SORBS2: variants seen among roughly 807,000 people sequenced by gnomAD.
SORBS2 encodes sorbin and SH3 domain containing 2, also known as sorbin and SH3 domain-containing protein 2.
Under a neutral mutation model 97.7 loss-of-function variants are expected in SORBS2, and 46 were observed. That is an observed-to-expected ratio of 0.47 (90% CI 0.37 to 0.60). The LOEUF is 0.60. SORBS2 is among the 20% of genes least tolerant of loss of function. SORBS2 has a pLI of 0.00. For synonymous variants in SORBS2, 476 were observed against 473.4 expected (o/e 1.01, Z -0.07); for missense variants, 1,316 against 1,282.3 (o/e 1.03, Z -0.40).
chr4:185,639,810 G>T lies in SORBS2; in HGVS notation c.396+6858C>A, dbSNP rs556333219. Among the ~76,000 whole-genome samples, 82 of 152,290 alleles carry T rather than the reference G, an allele frequency of 5.4e-4. 3 individuals are homozygous for T. The South Asian group carries it at 0.016, about 30-fold the overall frequency. On this transcript the variant is annotated intron_variant, in intron 4 of 14. Transcript: ENST00000418609. ...CTAGGAGGACTATTAAGTGCTCACT[G>T]CTTCAGAACAATTCAATATCATTTG...
intron 2 of SORBS2, among the ~76,000 whole-genome samples, chr4:185,734,511 C>T (rs989314176): frequency 6.6e-6 from 1 of 152,164 alleles, no homozygotes; most frequent in Non-Finnish European, 1.5e-5. Flanking sequence ...TTCCTTGCCC[C>T]CTATTTCATA....
At chr4:185,631,087 A>G (rs2096898910) in intron 4 of SORBS2, among the ~76,000 whole-genome samples, 1 of 152,236 alleles carries the variant, frequency 6.6e-6, no homozygotes, top group African/African-American at 2.4e-5. Context: ...AATGTAACAC[A>G]TAAGCAGAAC....
At chr4:185,915,503 G>T (rs1023827270) in intron 1 of SORBS2, among the ~76,000 whole-genome samples, 1 of 152,202 alleles carries the variant, frequency 6.6e-6, no homozygotes, top group Non-Finnish European at 1.5e-5. Flanking sequence ...GACCAGGAGA[G>T]TACATACAAA....
At chr4:185,695,079 C>T (rs561372506) in intron 2 of SORBS2, among the ~76,000 whole-genome samples, 57 of 151,908 alleles carry the variant, frequency 3.8e-4, no homozygotes, top group Non-Finnish European at 1.0e-4. Flanking sequence ...GTTCTCAATA[C>T]GTATAAGAGA....
Position 185,595,899 on chromosome 4 carries a change from C to T in SORBS2, c.2797-1964G>A, listed in dbSNP as rs905969487. 5.9e-5 allele frequency among the ~76,000 whole-genome samples: 9 copies of T among 151,988 alleles called. No individual in the cohort carries two copies. The South Asian group carries it at 8.3e-4, about 14-fold the overall frequency. ...TCTGGCCAAAGAGTATGCATTAAAG[C>T]CATATGATTTTGAGAATGTACATGT... is the stretch of plus-strand genomic sequence containing the variant. On this transcript the variant is annotated intron_variant, in intron 12 of 14. Transcript: ENST00000418609.
exon 7 of SORBS2, chr4:185,624,264 C>T: frequency 6.2e-7 from 1 of 1,614,190 alleles, no homozygotes; most frequent in Non-Finnish European, 8.5e-7. Flanking sequence ...AGGAGATCGT[C>T]ACAGCTCCGG....
Position 185,909,561 on chromosome 4 carries a change from TA to T in SORBS2, c.-338+46634del, listed in dbSNP as rs555879915. On this transcript the variant is annotated intron_variant, in intron 1 of 20. Coordinates refer to the SORBS2 transcript ENST00000284776. Reference sequence around the variant, plus strand: ...AAATTAAGATAAATAAATAAAAGGGTAAAAAAAAGAAAAAATAAAGTCATTG... The same window carrying T: ...AAATTAAGATAAATAAATAAAAGGGTAAAAAAAGAAAAAATAAAGTCATTG... 4.6e-3 allele frequency among the ~76,000 whole-genome samples: 650 copies of T among 140,856 alleles called. 4 individuals are homozygous for T. The highest frequency in any genetic ancestry group is 0.015 in the African/African-American group (620 of 40,304). 92.4% of individuals were successfully genotyped at this position (140,856 alleles called of 152,430 possible).
intron 1 of SORBS2, chr4:185,812,171 C>T (rs1037243200): frequency 6.6e-6 from 1 of 152,236 alleles, no homozygotes; most frequent in African/African-American, 2.4e-5. Flanking sequence ...GAGGCTTCTT[C>T]CAGGGCGAAG....
At chr4:185,665,328 C>T (rs1157755154) in intron 4 of SORBS2, among the ~76,000 whole-genome samples, 1 of 152,158 alleles carries the variant, frequency 6.6e-6, no homozygotes, top group Non-Finnish European at 1.5e-5. Flanking sequence ...AAGAGTCACA[C>T]AGGACACATT....
intron 12 of SORBS2, among the ~76,000 whole-genome samples, chr4:185,600,128 G>A (rs59513672): frequency 6.6e-6 from 1 of 152,010 alleles, no homozygotes; most frequent in African/African-American, 2.4e-5. Context: ...TTCCTGGCTG[G>A]CTTTTTCCAT....
intron 1 of SORBS2, among the ~76,000 whole-genome samples, chr4:185,896,399 C>T (rs967409873): frequency 2.6e-5 from 4 of 152,098 alleles, no homozygotes; most frequent in Admixed American, 2.0e-4. Context: ...GCCTGACCAA[C>T]ATGGTGAAAC....
At chr4:185,721,084 C>CTTTTTTTTTTTTTTTT (rs1160319469) in intron 2 of SORBS2, among the ~76,000 whole-genome samples, 2 of 92,194 alleles carry the variant, frequency 2.2e-5, no homozygotes, top group Non-Finnish European at 2.0e-5. Context: ...CCCACCTATT[C>CTTTTTTTTTTTTTTTT]TTTTTTTTTT....
Position 185,652,510 on chromosome 4 carries a change from G to A in SORBS2, c.91+152C>T, listed in dbSNP as rs1299508060. ...CACAGGGATCTGTCACCGGAGGGGT[G>A]ACAGAAGGAGAACAGGAGGCATGCT... On this transcript the variant is annotated intron_variant, in intron 2 of 14. Transcript: ENST00000418609. 2.4e-5 allele frequency: 16 copies of A among 665,942 alleles called. No homozygotes were observed. The East Asian group carries it at 4.3e-4, about 18-fold the overall frequency. 41.3% of individuals were successfully genotyped at this position (665,942 alleles called of 1,614,324 possible).
chr4:185,949,201 G>C (rs1418306017), intron 1 of SORBS2, among the ~76,000 whole-genome samples: 1 of 152,216 alleles, frequency 6.6e-6, no homozygotes, highest in African/African-American at 2.4e-5. Flanking sequence ...AGTACGGCTA[G>C]AGAATAAAAT....
exon 13 of SORBS2, chr4:185,593,934 G>A (rs1482132914): frequency 6.2e-7 from 1 of 1,600,514 alleles, no homozygotes; most frequent in African/African-American, 1.3e-5. Flanking sequence ...AGGACGCTGT[G>A]GCTGAAATGA....
intron 1 of SORBS2, among the ~76,000 whole-genome samples, chr4:185,789,902 CT>C (rs1412739018): frequency 6.6e-6 from 1 of 152,198 alleles, no homozygotes; most frequent in African/African-American, 2.4e-5. Flanking sequence ...CCCTAAGTTT[CT>C]TCCTACCTAT....
intron 1 of SORBS2, among the ~76,000 whole-genome samples, chr4:185,938,389 T>TAC (rs34337257): frequency 0.12 from 15,807 of 136,358 alleles, 901 homozygotes; most frequent in African/African-American, 0.16. Flanking sequence ...TGTAGACACA[T>TAC]ACACACACAC....
At chr4:185,634,582 A>C (rs1007954959) in intron 4 of SORBS2, among the ~76,000 whole-genome samples, 1 of 151,958 alleles carries the variant, frequency 6.6e-6, no homozygotes, top group Admixed American at 6.6e-5. Context: ...CTTTGCAGAG[A>C]GCAGGTTAAC....
chr4:185,600,908 G>GTT lies in SORBS2; in HGVS notation c.2797-6975_2797-6974dup, dbSNP rs60162457. Reference sequence around the variant, plus strand: ...AACCTGTGGGCTGGACTGTTTTGGTGTTTTTTTTTTATTTTCAGAGTAAGA... The same window carrying GTT: ...AACCTGTGGGCTGGACTGTTTTGGTGTTTTTTTTTTTTATTTTCAGAGTAAGA... On this transcript the variant is annotated intron_variant, in intron 12 of 14. Coordinates refer to ENST00000418609, the Ensembl canonical transcript of SORBS2. Among the ~76,000 whole-genome samples the GTT allele has an allele frequency of 2.0e-3, 292 of 149,458 alleles. 1 individual carries two copies. The highest frequency in any genetic ancestry group is 3.5e-3 in the Middle Eastern group (1 of 288).
Sources: allele counts gnomAD v4.1 joint callset (sites outside exome capture counted in the v4.1 genomes callset), GRCh38; gene constraint gnomAD v4.1.1; transcripts MANE v1.5; gene names NCBI Gene and HGNC (gene_info 2026-07-23, HGNC 2026-07-21).